The following AP2B1 variants were observed in gnomAD, a reference collection of about 807,000 sequenced individuals.
The protein encoded by AP2B1 is AP-2 complex subunit beta.
Under a neutral mutation model 102.0 loss-of-function variants are expected in AP2B1, and 23 were observed. The observed-to-expected ratio is 0.23, with a 90% CI of 0.16 to 0.32. AP2B1 has a LOEUF of 0.32. Among genes scored for constraint, AP2B1 ranks in the 10% least tolerant of loss-of-function variants. AP2B1 has a pLI of 1.00. For missense variants in AP2B1, 541 were observed against 1,157.4 expected, an observed-to-expected ratio of 0.47 and a Z score of 7.73; for synonymous variants, 381 against 421.2, an observed-to-expected ratio of 0.90 and a Z score of 1.17.
intron 5 of AP2B1, among the ~76,000 whole-genome samples, chr17:35,613,160 T>C (rs1166288083): frequency 2.0e-5 from 3 of 151,032 alleles, no homozygotes; most frequent in Non-Finnish European, 2.9e-5. Flanking sequence ...TATTAGATTC[T>C]CTTAGAAAAG....
At chr17:35,696,653 T>C (rs949393825) in intron 18 of AP2B1, among the ~76,000 whole-genome samples, 1 of 152,094 alleles carries the variant, frequency 6.6e-6, no homozygotes, top group East Asian at 1.9e-4. Flanking sequence ...CTTTCCAAAG[T>C]GCTGGGATTA....
intron 12 of AP2B1, among the ~76,000 whole-genome samples, chr17:35,642,200 T>G (rs542792960): frequency 6.6e-6 from 1 of 152,322 alleles, no homozygotes; most frequent in Admixed American, 6.5e-5. Flanking sequence ...TCATAATTCA[T>G]GAAAATTGAA....
At chr17:35,683,427 TAAG>T (rs748462130) in intron 18 of AP2B1, among the ~76,000 whole-genome samples, 9 of 152,216 alleles carry the variant, frequency 5.9e-5, no homozygotes, top group Non-Finnish European at 1.0e-4. Flanking sequence ...GTCATTAATA[TAAG>T]AAGAGATTTA....
At chr17:35,635,377 CTTTGT>C (rs151078152) in intron 9 of AP2B1, among the ~76,000 whole-genome samples, 14,281 of 151,564 alleles carry the variant, frequency 0.094, 814 homozygotes, top group Non-Finnish European at 0.13. Context: ...TTTTGTTTTG[CTTTGT>C]TTTGTTTTGT....
intron 18 of AP2B1, among the ~76,000 whole-genome samples, chr17:35,694,990 CAATA>C (rs587685765): frequency 1.7e-3 from 263 of 152,104 alleles, no homozygotes; most frequent in African/African-American, 6.2e-3. Context: ...TTAACATAAA[CAATA>C]TTCGAAGATG....
chr17:35,722,095 A>G (rs2085412021), intron 21 of AP2B1, among the ~76,000 whole-genome samples: 1 of 152,142 alleles, frequency 6.6e-6, no homozygotes, highest in Non-Finnish European at 1.5e-5. Context: ...ACAAAAAAAA[A>G]TAGCTGGGTA....
At chr17:35,667,041 G>T (rs1474482678) in intron 14 of AP2B1, among the ~76,000 whole-genome samples, 1 of 152,164 alleles carries the variant, frequency 6.6e-6, no homozygotes, top group Non-Finnish European at 1.5e-5. Context: ...CAACTTTCTT[G>T]TGTAGTTGTT....
intron 15 of AP2B1, among the ~76,000 whole-genome samples, 178 bp from the exon 16 acceptor site, chr17:35,671,575 GA>G (rs1183620683): frequency 1.3e-5 from 2 of 152,050 alleles, no homozygotes; most frequent in Non-Finnish European, 2.9e-5. Context: ...TATCAATGAC[GA>G]AAAAATAACT....
intron 14 of AP2B1, among the ~76,000 whole-genome samples, chr17:35,669,092 C>G (rs1342066877): frequency 6.6e-6 from 1 of 150,620 alleles, no homozygotes; most frequent in African/African-American, 2.4e-5. Context: ...AGTATCTTTT[C>G]TATTCCCTTC....
intron 19 of AP2B1, 90 bp from the exon 20 acceptor site, chr17:35,710,144 C>A: frequency 2.3e-6 from 2 of 887,798 alleles, no homozygotes; most frequent in Non-Finnish European, 3.7e-6. Context: ...CAAGAGCCAG[C>A]ATGCCAAAGG....
At chr17:35,651,019 C>G in intron 13 of AP2B1, 1 of 495,874 alleles carries the variant, frequency 2.0e-6, no homozygotes, top group Non-Finnish European at 3.6e-6. Flanking sequence ...AAAGACTCCT[C>G]TGTGTTCCAA....
chr17:35,714,889 C>T (rs1006671377), intron 20 of AP2B1, among the ~76,000 whole-genome samples: 4 of 152,158 alleles, frequency 2.6e-5, no homozygotes, highest in Non-Finnish European at 5.9e-5. Flanking sequence ...TTATCAAACT[C>T]TCACAACTAT....
intron 10 of AP2B1, among the ~76,000 whole-genome samples, chr17:35,638,280 T>C (rs1406076267): frequency 6.6e-6 from 1 of 152,238 alleles, no homozygotes; most frequent in Non-Finnish European, 1.5e-5. Flanking sequence ...TCAGTAAAAG[T>C]AGGCAGATAC....
chr17:35,634,854 T>C (rs2074560938), intron 9 of AP2B1, among the ~76,000 whole-genome samples: 1 of 152,228 alleles, frequency 6.6e-6, no homozygotes. Context: ...TCTCCACTCA[T>C]CCATGAACTT....
chr17:35,723,593 G>A (rs1555593948), intron 21 of AP2B1, 32 bp from the exon 22 acceptor site: 10 of 1,498,414 alleles, frequency 6.7e-6, no homozygotes, highest in South Asian at 1.1e-5. Context: ...CAACCTCTGT[G>A]CTAATCTTCC....
chr17:35,661,455 CAT>C (rs2075356970), intron 14 of AP2B1, among the ~76,000 whole-genome samples: 1 of 152,156 alleles, frequency 6.6e-6, no homozygotes, highest in Non-Finnish European at 1.5e-5. Context: ...ACAGAAGAAT[CAT>C]ATTCTCGAGA....
chr17:35,639,889 C>G (rs2074717868), intron 11 of AP2B1, 129 bp downstream of exon 11: 5 of 779,662 alleles, frequency 6.4e-6, no homozygotes, highest in Non-Finnish European at 9.9e-6. Context: ...TTTCTCCCAA[C>G]AGGGATGTCT....
intron 5 of AP2B1, among the ~76,000 whole-genome samples, chr17:35,615,712 T>C (rs2073992497): frequency 1.3e-5 from 2 of 152,198 alleles, no homozygotes; most frequent in South Asian, 4.1e-4. Context: ...AAATTTAAAA[T>C]GTGTAATACT....
intron 21 of AP2B1, among the ~76,000 whole-genome samples, chr17:35,722,907 T>C (rs1555593642): frequency 6.6e-6 from 1 of 152,220 alleles, no homozygotes; most frequent in African/African-American, 2.4e-5. Context: ...ATATTCACCA[T>C]TAAGATCTTT....
Sources: allele counts gnomAD v4.1 joint callset (sites outside exome capture counted in the v4.1 genomes callset), GRCh38; gene constraint gnomAD v4.1.1; transcripts MANE v1.5; gene names NCBI Gene and HGNC (gene_info 2026-07-23, HGNC 2026-07-21).